The following MTUS2 variants were observed in gnomAD, a reference collection of about 807,000 sequenced individuals.
MTUS2 encodes microtubule associated scaffold protein 2.
In MTUS2, 40 loss-of-function variants were observed where a neutral mutation model predicts 114.1. The observed-to-expected ratio is 0.35, with a 90% confidence interval of 0.27 to 0.46. The LOEUF (loss-of-function observed/expected upper bound fraction) is 0.46. MTUS2 is among the 20% of genes least tolerant of loss of function. MTUS2 has a pLI of 1.00. For missense variants in MTUS2, 1,679 were observed against 1,705.4 expected (o/e 0.98, Z 0.27); for synonymous variants, 688 against 672.0 (o/e 1.02, Z -0.37).
chr13:29,312,246 A>G (rs1458173577), intron 6 of MTUS2, among the ~76,000 whole-genome samples: 1 of 152,192 alleles, frequency 6.6e-6, no homozygotes, highest in Non-Finnish European at 1.5e-5. Flanking sequence ...TACATGTCCC[A>G]CTAATTGGTG....
intron 5 of MTUS2, among the ~76,000 whole-genome samples, chr13:29,133,475 A>G (rs1227393311): frequency 6.6e-6 from 1 of 152,098 alleles, no homozygotes; most frequent in African/African-American, 2.4e-5. Context: ...TAAGAGCTTT[A>G]TGGTTTTAGG....
chr13:29,043,010 G>A (rs1160941284), intron 4 of MTUS2, among the ~76,000 whole-genome samples: 8 of 151,904 alleles, frequency 5.3e-5, no homozygotes, highest in Non-Finnish European at 1.2e-4. Flanking sequence ...TCTGGGTTTG[G>A]GTTTGGTTTG....
intron 8 of MTUS2, among the ~76,000 whole-genome samples, chr13:29,432,728 A>G (rs1877098808): frequency 1.3e-5 from 2 of 152,274 alleles, no homozygotes; most frequent in South Asian, 2.1e-4. Context: ...TCCTCAGACC[A>G]TGTTATAGAT....
At chr13:29,347,385 G>A (rs1313824066) in intron 7 of MTUS2, among the ~76,000 whole-genome samples, 2 of 150,764 alleles carry the variant, frequency 1.3e-5, no homozygotes, top group African/African-American at 4.9e-5. Context: ...AATATTTTCA[G>A]ATTTCCCTTT....
chr13:29,297,978 A>G (rs779202723), intron 6 of MTUS2, among the ~76,000 whole-genome samples: 1 of 152,182 alleles, frequency 6.6e-6, no homozygotes, highest in African/African-American at 2.4e-5. Flanking sequence ...CTTCCTCTCA[A>G]AATTTTTATG....
intron 5 of MTUS2, among the ~76,000 whole-genome samples, chr13:29,143,520 T>G (rs1351536782): frequency 6.6e-6 from 1 of 152,220 alleles, no homozygotes; most frequent in Non-Finnish European, 1.5e-5. Context: ...AGTACTTTGA[T>G]CATCCAAAAG....
chr13:29,200,263 G>A (rs1894886758), intron 5 of MTUS2, among the ~76,000 whole-genome samples: 1 of 151,502 alleles, frequency 6.6e-6, no homozygotes, highest in Admixed American at 6.6e-5. Context: ...TGCTTCTCGA[G>A]GTCTTTTAAT....
chr13:28,902,833 T>C (rs975776020), intron 2 of MTUS2, among the ~76,000 whole-genome samples: 6 of 152,284 alleles, frequency 3.9e-5, no homozygotes, highest in African/African-American at 9.6e-5. Context: ...TCTTATTAAA[T>C]AGAATGATTT....
rs558041373 is a variant in MTUS2 at position 29,319,250 on chromosome 13, A to G, written c.2807-5363A>G. 2.4e-4 allele frequency among the ~76,000 whole-genome samples: 37 copies of G among 152,348 alleles called. 1 individual carries two copies. The South Asian group carries it at 6.4e-3, about 26-fold the overall frequency. ...AAACTGCCTTAGGCAACAAGAAAGC[A>G]AAAGGGCAGAGGGATTTTGGGCTCA... On this transcript the variant is annotated intron_variant, in intron 6 of 15. Coordinates refer to ENST00000612955, the MANE Select transcript of MTUS2 (RefSeq NM_001033602.4).
intron 2 of MTUS2, among the ~76,000 whole-genome samples, chr13:28,858,062 A>G (rs1876745818): frequency 6.6e-6 from 1 of 152,176 alleles, no homozygotes; most frequent in Admixed American, 6.5e-5. Flanking sequence ...GAGGGATTTG[A>G]CCTAATTGAA....
At chr13:29,431,443 T>C (rs1368265209) in intron 8 of MTUS2, among the ~76,000 whole-genome samples, 1 of 152,184 alleles carries the variant, frequency 6.6e-6, no homozygotes, top group African/African-American at 2.4e-5. Context: ...TATTTCTACC[T>C]TTTCCAGAGA....
intron 2 of MTUS2, among the ~76,000 whole-genome samples, chr13:28,949,233 C>A (rs949017102): frequency 6.6e-6 from 1 of 152,168 alleles, no homozygotes; most frequent in African/African-American, 2.4e-5. Context: ...CCACAAGAAT[C>A]GGTTTTTCTG....
At chr13:29,352,129 A>T (rs1315486931) in intron 7 of MTUS2, among the ~76,000 whole-genome samples, 1 of 152,160 alleles carries the variant, frequency 6.6e-6, no homozygotes, top group African/African-American at 2.4e-5. Context: ...GCCAGGTGAT[A>T]TTGGCAGAAA....
intron 2 of MTUS2, among the ~76,000 whole-genome samples, chr13:28,999,439 T>C (rs967129410): frequency 6.6e-6 from 1 of 152,186 alleles, no homozygotes; most frequent in Non-Finnish European, 1.5e-5. Context: ...ACATAGTTTG[T>C]TTCTTTGTGG....
intron 5 of MTUS2, among the ~76,000 whole-genome samples, chr13:29,123,548 C>T (rs955210996): frequency 1.3e-5 from 2 of 152,070 alleles, no homozygotes; most frequent in African/African-American, 4.8e-5. Flanking sequence ...GAAACCTTGT[C>T]TCTACTAAAA....
intron 5 of MTUS2, among the ~76,000 whole-genome samples, chr13:29,195,674 G>A (rs967039118): frequency 1.3e-5 from 2 of 152,060 alleles, no homozygotes; most frequent in African/African-American, 4.8e-5. Context: ...CAAGGGAAGG[G>A]CGCCCCACCC....
intron 7 of MTUS2, among the ~76,000 whole-genome samples, chr13:29,325,564 AGAAGAAGAG>A (rs371992249): frequency 3.1e-4 from 8 of 25,882 alleles, no homozygotes; most frequent in African/African-American, 5.2e-4. Context: ...AAGAGGAAGA[AGAAGAAGAG>A]GAGGAGGAAG....
chr13:29,232,467 T>C (rs1177822786), intron 5 of MTUS2, among the ~76,000 whole-genome samples: 2 of 152,078 alleles, frequency 1.3e-5, no homozygotes, highest in African/African-American at 2.4e-5. Flanking sequence ...TAAATAGCCA[T>C]TGGGGGGGAA....
At chr13:28,958,649 T>C (rs1883182480) in intron 2 of MTUS2, among the ~76,000 whole-genome samples, 1 of 152,176 alleles carries the variant, frequency 6.6e-6, no homozygotes, top group African/African-American at 2.4e-5. Context: ...GAGCTAGAAG[T>C]AGAAAATGGA....
Sources: gnomAD v4.1 joint callset for allele counts (sites outside exome capture counted in the v4.1 genomes callset) on GRCh38, gnomAD v4.1.1 for gene constraint, MANE v1.5 for transcripts, NCBI Gene and HGNC (gene_info 2026-07-23, HGNC 2026-07-21) for gene names.